Variants in MAST2 observed in about 807,000 individuals in gnomAD.
The protein encoded by MAST2 is microtubule-associated serine/threonine-protein kinase 2.
In MAST2, 70 loss-of-function variants were observed where a neutral mutation model predicts 147.4. That is an observed-to-expected ratio of 0.47 (90% CI 0.39 to 0.58). MAST2 has a LOEUF of 0.58. Ranked by LOEUF, MAST2 falls within the 20% of genes least tolerant of loss-of-function variation. The pLI, the probability that MAST2 is intolerant of heterozygous loss-of-function variation, is 0.00. For synonymous variants in MAST2, 869 were observed against 896.8 expected, an observed-to-expected ratio of 0.97 and a Z score of 0.55; for missense variants, 2,080 against 2,302.3, an observed-to-expected ratio of 0.90 and a Z score of 1.98.
chr1:45,813,004 A>AC (rs1644348978), intron 1 of MAST2, among the ~76,000 whole-genome samples: 1 of 151,600 alleles, frequency 6.6e-6, no homozygotes, highest in Non-Finnish European at 1.5e-5. Context: ...TGAGTACATG[A>AC]CCCCCTGCAG....
intron 4 of MAST2, among the ~76,000 whole-genome samples, chr1:45,888,110 C>A (rs1017698371): frequency 2.6e-5 from 4 of 152,154 alleles, no homozygotes; most frequent in Non-Finnish European, 5.9e-5. Flanking sequence ...ACATTTATAT[C>A]GCTAGATCTC....
intron 3 of MAST2, chr1:45,864,985 A>G (rs1321950681): frequency 2.3e-5 from 9 of 388,096 alleles, no homozygotes; most frequent in Middle Eastern, 7.3e-4. Flanking sequence ...TAACTGGTTT[A>G]GTGGAACAGT....
chr1:46,024,627 A>C (rs1392004142), intron 15 of MAST2, among the ~76,000 whole-genome samples: 1 of 152,252 alleles, frequency 6.6e-6, no homozygotes, highest in African/African-American at 2.4e-5. Flanking sequence ...AAAGCCAGTA[A>C]GAAGGAAGTA....
At chr1:45,877,039 T>C (rs1646636457) in intron 3 of MAST2, among the ~76,000 whole-genome samples, 1 of 152,222 alleles carries the variant, frequency 6.6e-6, no homozygotes, top group Admixed American at 6.5e-5. Flanking sequence ...TAGCACATTT[T>C]ATGAGTGTCT....
chr1:45,808,627 A>G (rs1000834274), intron 1 of MAST2, among the ~76,000 whole-genome samples: 2 of 152,000 alleles, frequency 1.3e-5, no homozygotes, highest in African/African-American at 4.8e-5. Context: ...CACTACCTTA[A>G]TTTCATATTT....
chr1:46,007,765 C>T (rs1045263599), intron 8 of MAST2, among the ~76,000 whole-genome samples: 15 of 152,172 alleles, frequency 9.9e-5, no homozygotes, highest in Admixed American at 5.2e-4. Context: ...GAAAACATAT[C>T]GGCTGCCTTC....
Sources: allele counts gnomAD v4.1 joint callset (sites outside exome capture counted in the v4.1 genomes callset), GRCh38; gene constraint gnomAD v4.1.1; transcripts MANE v1.5; gene names NCBI Gene and HGNC (gene_info 2026-07-23, HGNC 2026-07-21).